Variants in SGCD observed in about 807,000 individuals in gnomAD.
SGCD encodes the protein sarcoglycan delta.
SGCD carries 18 observed loss-of-function variants against 36.6 expected under a neutral mutation model. The observed-to-expected ratio is 0.49, with a 90% CI of 0.34 to 0.73. The LOEUF (loss-of-function observed/expected upper bound fraction) is 0.73, where lower values mean the gene tolerates loss of function less well. SGCD is among the 30% of genes least tolerant of loss of function. The probability of loss-of-function intolerance (pLI) is 0.01; values close to 1 mark genes in which losing one functional copy is unlikely to be tolerated. For synonymous variants in SGCD, 133 were observed against 130.6 expected, an observed-to-expected ratio of 1.02 and a Z score of -0.12; for missense variants, 387 against 346.7, an observed-to-expected ratio of 1.12 and a Z score of -0.92.
intron 3 of SGCD, among the ~76,000 whole-genome samples, chr5:156,291,845 T>C (rs1766765239): frequency 6.6e-6 from 1 of 152,194 alleles, no homozygotes; most frequent in Admixed American, 6.6e-5. Context: ...CATTACCTTA[T>C]ATGCTTATCA....
At chr5:155,800,354 A>C in the SGCD span, among the ~76,000 whole-genome samples, 1 of 152,074 alleles carries the variant, frequency 6.6e-6, no homozygotes, top group Non-Finnish European at 1.5e-5. Context: ...TTTCTTTCAA[A>C]TTAGACAGGT....
intron 1 of SGCD, among the ~76,000 whole-genome samples, chr5:156,117,276 A>G (rs1298573538): frequency 6.6e-6 from 1 of 152,020 alleles, no homozygotes; most frequent in Non-Finnish European, 1.5e-5. Flanking sequence ...AAACCCTTGT[A>G]AAATACAACC....
At chr5:156,171,274 C>G (rs1046847332) in intron 3 of SGCD, among the ~76,000 whole-genome samples, 2 of 152,198 alleles carry the variant, frequency 1.3e-5, no homozygotes, top group Non-Finnish European at 2.9e-5. Flanking sequence ...TCACTGAGGA[C>G]TTGGTTAACG....
chr5:155,978,864 C>A (rs543866091), intron 1 of SGCD, among the ~76,000 whole-genome samples: 1 of 151,768 alleles, frequency 6.6e-6, no homozygotes, highest in East Asian at 1.9e-4. Context: ...AATTGTAGAG[C>A]TATTAAGCTG....
At chr5:156,309,905 G>A (rs765578653) in intron 3 of SGCD, among the ~76,000 whole-genome samples, 21 of 151,714 alleles carry the variant, frequency 1.4e-4, no homozygotes, top group Non-Finnish European at 2.5e-4. Context: ...TTTCAAATGG[G>A]CCACACTTCC....
At chr5:156,604,658 G>A (rs1006854602) in intron 6 of SGCD, among the ~76,000 whole-genome samples, 3 of 141,420 alleles carry the variant, frequency 2.1e-5, no homozygotes, top group East Asian at 2.0e-4. Context: ...TTTCTTGCCT[G>A]AAAACATATA....
At chr5:156,746,290 T>C (rs1756934301) in intron 7 of SGCD, among the ~76,000 whole-genome samples, 1 of 152,134 alleles carries the variant, frequency 6.6e-6, no homozygotes, top group African/African-American at 2.4e-5. Context: ...CCAAAATCTC[T>C]CTCACAAAAG....
chr5:156,456,190 CG>C (rs1406169218), intron 3 of SGCD, among the ~76,000 whole-genome samples: 6 of 152,090 alleles, frequency 3.9e-5, no homozygotes, highest in African/African-American at 1.2e-4. Context: ...AATGGGATAA[CG>C]GATGGAGGCT....
intron 1 of SGCD, among the ~76,000 whole-genome samples, chr5:156,069,449 T>C (rs1484159594): frequency 6.6e-6 from 1 of 152,134 alleles, no homozygotes; most frequent in Non-Finnish European, 1.5e-5. Context: ...TGTGGCGTTA[T>C]TTCTAAGGGG....
the SGCD span, among the ~76,000 whole-genome samples, chr5:155,813,034 G>A: frequency 6.6e-6 from 1 of 151,716 alleles, no homozygotes; most frequent in Non-Finnish European, 1.5e-5. Flanking sequence ...TCTGATGATA[G>A]GATTTTTTTA....
the SGCD span, among the ~76,000 whole-genome samples, chr5:155,832,494 C>T: frequency 2.0e-5 from 3 of 152,172 alleles, no homozygotes; most frequent in African/African-American, 7.2e-5. Context: ...TGGCTCCAGT[C>T]TATTTTTCAG....
chr5:156,374,866 C>T (rs1422553890), intron 3 of SGCD, among the ~76,000 whole-genome samples: 1 of 152,080 alleles, frequency 6.6e-6, no homozygotes, highest in Admixed American at 6.5e-5. Context: ...CTCGCAGTCT[C>T]GCTAGTGTCA....
chr5:156,367,544 A>C (rs1770167098), intron 3 of SGCD, among the ~76,000 whole-genome samples: 1 of 152,228 alleles, frequency 6.6e-6, no homozygotes, highest in African/African-American at 2.4e-5. Context: ...GTTAATTCTA[A>C]CCTAGAATCA....
chr5:156,633,799 C>T (rs185187609), intron 6 of SGCD, among the ~76,000 whole-genome samples: 9 of 152,254 alleles, frequency 5.9e-5, no homozygotes, highest in Admixed American at 4.6e-4. Context: ...GTCAAGAAAA[C>T]GTGGGCAGGC....
chr5:156,180,278 T>C (rs1330054289), intron 3 of SGCD, among the ~76,000 whole-genome samples: 2 of 152,200 alleles, frequency 1.3e-5, no homozygotes, highest in Admixed American at 6.5e-5. Context: ...TGGTGAACTA[T>C]TAAAAGCTTT....
intron 3 of SGCD, among the ~76,000 whole-genome samples, chr5:156,180,768 G>T (rs897844055): frequency 7.9e-5 from 12 of 152,206 alleles, no homozygotes; most frequent in African/African-American, 2.9e-4. Context: ...GGGAAGAGAT[G>T]TATGGATTTG....
At chr5:156,177,907 A>T (rs1468281412) in intron 3 of SGCD, among the ~76,000 whole-genome samples, 2 of 152,202 alleles carry the variant, frequency 1.3e-5, no homozygotes, top group African/African-American at 2.4e-5. Context: ...AGCATTAAGG[A>T]TGAGGACTTA....
At chr5:156,753,304 C>G (rs543021322) in intron 7 of SGCD, among the ~76,000 whole-genome samples, 47 of 152,340 alleles carry the variant, frequency 3.1e-4, no homozygotes, top group Middle Eastern at 3.4e-3. Flanking sequence ...TCTTCTTTCT[C>G]CTCTGAGAGG....
the SGCD span, among the ~76,000 whole-genome samples, chr5:155,783,359 TTGG>T: frequency 6.6e-6 from 1 of 152,062 alleles, no homozygotes; most frequent in Non-Finnish European, 1.5e-5. Context: ...TATAAATAAG[TTGG>T]TGGTTTACTT....
Sources: allele counts gnomAD v4.1 joint callset (sites outside exome capture counted in the v4.1 genomes callset), GRCh38; gene constraint gnomAD v4.1.1; transcripts MANE v1.5; gene names NCBI Gene and HGNC (gene_info 2026-07-23, HGNC 2026-07-21).